Variants in EYA3 observed in about 807,000 individuals in gnomAD.
EYA3 encodes the protein EYA transcriptional coactivator and phosphatase 3.
Under a neutral mutation model 80.0 loss-of-function variants are expected in EYA3, and 39 were observed. The observed-to-expected ratio is 0.49, with a 90% CI of 0.38 to 0.64. The LOEUF (loss-of-function observed/expected upper bound fraction) is 0.64, where lower values mean the gene tolerates loss of function less well. Ranked by LOEUF, EYA3 falls within the 30% of genes least tolerant of loss-of-function variation. EYA3 has a pLI of 0.00. For synonymous variants in EYA3, 206 were observed against 232.8 expected (o/e 0.88, Z 1.05); for missense variants, 523 against 676.1 (o/e 0.77, Z 2.51).
intron 6 of EYA3, 104 bp downstream of exon 6, chr1:28,035,440 A>AGG: frequency 1.6e-6 from 2 of 1,281,728 alleles, no homozygotes; most frequent in Non-Finnish European, 2.1e-6. Context: ...ATACCCAACC[A>AGG]CATATGTAAC....
intron 6 of EYA3, among the ~76,000 whole-genome samples, chr1:28,029,350 A>T (rs1027858342): frequency 6.6e-6 from 1 of 152,222 alleles, no homozygotes; most frequent in Non-Finnish European, 1.5e-5. Flanking sequence ...TTAGTACTAA[A>T]TATAACTTAA....
intron 11 of EYA3, 42 bp downstream of exon 11, chr1:28,004,270 TGTCAGAAGAGGGACTGACTATATA>T (rs1280154113): frequency 1.1e-5 from 12 of 1,093,420 alleles, no homozygotes; most frequent in Admixed American, 1.1e-4. Flanking sequence ...ATTTGTTATG[TGTCAGAAGAGGGACTGACTATATA>T]GTCAGAAGAG....
intron 7 of EYA3, among the ~76,000 whole-genome samples, chr1:28,020,633 A>C (rs1043423564): frequency 6.7e-6 from 1 of 150,372 alleles, no homozygotes; most frequent in African/African-American, 2.4e-5. Flanking sequence ...GCTATGACTA[A>C]AAAGCCAGGC....
chr1:28,035,669 T>A lies in EYA3; in HGVS notation c.236A>T (p.His79Leu). ...SQMYSAKPYAHILSVPVSETA... is the reference protein window; with the variant it reads ...SQMYSAKPYALILSVPVSETA... The stretch of plus-strand genomic sequence containing the variant: ...TTCCGAAACAGGAACTGAGAGAATA[T>A]GTGCATAAGGTCTGGAAAATTTCAT... Residue 79 changes from histidine to leucine, a missense_variant, in exon 6 of 18, where the codon CAT becomes CTT. His to Leu is a moderately conservative substitution (Grantham distance 99, BLOSUM62 -3). Coordinates refer to ENST00000373871, the MANE Select transcript of EYA3 (RefSeq NM_001990.4). 6.2e-7 allele frequency: 1 copy of A among 1,613,862 alleles called. No homozygotes were observed. The highest frequency in any genetic ancestry group is 1.3e-5 in the African/African-American group (1 of 75,014).
intron 3 of EYA3, among the ~76,000 whole-genome samples, chr1:28,047,460 CG>C (rs770587612): frequency 6.6e-6 from 1 of 151,802 alleles, no homozygotes; most frequent in Non-Finnish European, 1.5e-5. Context: ...ATAAATGAGC[CG>C]GGATGATAGT....
intron 12 of EYA3, chr1:27,998,386 T>G (rs1402727580): frequency 1.2e-6 from 1 of 845,406 alleles, no homozygotes; most frequent in African/African-American, 1.8e-5. Flanking sequence ...TGGCAATAAT[T>G]ATTGGCATGT....
At chr1:28,039,417 T>C (rs1643647675) in intron 4 of EYA3, among the ~76,000 whole-genome samples, 1 of 152,182 alleles carries the variant, frequency 6.6e-6, no homozygotes, top group Non-Finnish European at 1.5e-5. Context: ...TAGATGCAAG[T>C]ATGCTTCTAT....
chr1:28,036,270 T>G (rs1643450320), intron 5 of EYA3, among the ~76,000 whole-genome samples: 2 of 152,218 alleles, frequency 1.3e-5, no homozygotes, highest in African/African-American at 4.8e-5. Flanking sequence ...GCTACATGCA[T>G]GGCCCTATGT....
intron 7 of EYA3, among the ~76,000 whole-genome samples, chr1:28,027,307 A>C (rs947574701): frequency 6.6e-6 from 1 of 152,210 alleles, no homozygotes; most frequent in Non-Finnish European, 1.5e-5. Context: ...TTTTATCCTG[A>C]AAGAGAAATA....
At chr1:28,042,169 A>G (rs1643819993) in intron 4 of EYA3, among the ~76,000 whole-genome samples, 1 of 152,230 alleles carries the variant, frequency 6.6e-6, no homozygotes, top group South Asian at 2.1e-4. Context: ...CCACCAGAAT[A>G]GAATCACCTT....
chr1:28,076,454 TA>T (rs1645203474), intron 1 of EYA3, among the ~76,000 whole-genome samples: 1 of 152,054 alleles, frequency 6.6e-6, no homozygotes, highest in Non-Finnish European at 1.5e-5. Context: ...CTCACACCTG[TA>T]ATCCCAGCAC....
chr1:28,051,163 C>A (rs976343409), intron 2 of EYA3, among the ~76,000 whole-genome samples: 5 of 152,060 alleles, frequency 3.3e-5, no homozygotes, highest in Non-Finnish European at 7.4e-5. Context: ...GAAAAAGCTC[C>A]GTTAGGGTTA....
Position 28,009,663 on chromosome 1 carries a change from CAACAAA to C in EYA3, c.909+1278_909+1283del, listed in dbSNP as rs1182212948. Among the ~76,000 whole-genome samples, 1 of 151,942 alleles carries C rather than the reference CAACAAA, an allele frequency of 6.6e-6. No individual in the cohort carries two copies. Among genetic ancestry groups the C allele is most frequent in the East Asian group, 1.9e-4 (1 of 5,180 alleles). On this transcript the variant is annotated intron_variant, in intron 10 of 17. Transcript: ENST00000373871. This position sits in a 1 kb window ranked among gnomAD's most constrained non-coding sequence, Gnocchi z 4.8. The stretch of plus-strand genomic sequence containing the variant: ...AAAACAACAACAACAACAACAACAA[CAACAAA>C]AAACCATTATGGTAAATGAAATAAG...
intron 3 of EYA3, among the ~76,000 whole-genome samples, chr1:28,045,599 T>A (rs1643974214): frequency 6.6e-6 from 1 of 152,196 alleles, no homozygotes; most frequent in African/African-American, 2.4e-5. Context: ...CAACTGAGCA[T>A]CTAGAGAATA....
In EYA3 at chr1:28,004,426, A is replaced by C. The variant is rs749590726; in HGVS notation, c.910-7T>G. 3 of 1,599,768 alleles carry C rather than the reference A, an allele frequency of 1.9e-6. No individual in the cohort carries two copies. The highest frequency in any genetic ancestry group is 1.7e-6 in the Non-Finnish European group (2 of 1,169,230). On this transcript the variant is annotated splice_region_variant and splice_polypyrimidine_tract_variant and intron_variant, in intron 10 of 17. Transcript: ENST00000373871. The stretch of plus-strand genomic sequence containing the variant: ...AGTCCCACAGAAATACCCGCTGAGG[A>C]AAGAAAATATAAAAAATGAGTATAT...
chr1:27,997,271 C>G, intron 13 of EYA3, 49 bp downstream of exon 13: 2 of 1,516,932 alleles, frequency 1.3e-6, no homozygotes, highest in Non-Finnish European at 1.8e-6. Context: ...ACAGACAGAT[C>G]TTGCACATAA....
At chr1:28,052,639 C>T (rs910644149) in intron 2 of EYA3, among the ~76,000 whole-genome samples, 6 of 152,100 alleles carry the variant, frequency 3.9e-5, no homozygotes, top group Non-Finnish European at 7.4e-5. Flanking sequence ...AATATGTATG[C>T]TCTCATCACT....
At chr1:28,024,206 T>A (rs972995150) in intron 7 of EYA3, among the ~76,000 whole-genome samples, 22 of 152,072 alleles carry the variant, frequency 1.4e-4, no homozygotes, top group Admixed American at 3.9e-4. Flanking sequence ...GCCACTGCAC[T>A]CCAGCCTGGG....
rs1483708438 is a variant in EYA3, at chr1:28,057,858, T to TC, written c.33+135_33+136insG. On this transcript the variant is annotated intron_variant, in intron 2 of 17. Transcript: ENST00000373871. ...GAATTAAGTTAGAAAAATATAACAT[T>TC]GTTTTCTTGAAAGGAAACAAGGAAT... 3 of 516,492 alleles carry TC rather than the reference T, an allele frequency of 5.8e-6. No homozygotes were observed. In the African/African-American group the frequency reaches 5.9e-5, roughly 10 times the overall value. 32.0% of individuals were successfully genotyped at this position (516,492 alleles called of 1,614,324 possible).
Sources: gnomAD v4.1 joint callset for allele counts (sites outside exome capture counted in the v4.1 genomes callset) on GRCh38, gnomAD v4.1.1 for gene constraint, Gnocchi (gnomAD v3.1) non-coding constraint, MANE v1.5 for transcripts, NCBI Gene and HGNC (gene_info 2026-07-23, HGNC 2026-07-21) for gene names.